Variants in POLR2F observed in about 807,000 individuals in gnomAD.
The protein encoded by POLR2F is RNA polymerase II, I and III subunit F.
A neutral mutation model predicts 22.7 loss-of-function variants in POLR2F; 12 were observed. That is an observed-to-expected ratio of 0.53 (90% CI 0.34 to 0.86). The LOEUF (loss-of-function observed/expected upper bound fraction) is 0.86, where lower values mean the gene tolerates loss of function less well. Among genes scored for constraint, POLR2F ranks in the 40% least tolerant of loss-of-function variants. POLR2F has a pLI of 0.02. For missense variants in POLR2F, 126 were observed against 171.5 expected, an observed-to-expected ratio of 0.73 and a Z score of 1.48; for synonymous variants, 57 against 66.0, an observed-to-expected ratio of 0.86 and a Z score of 0.66.
At chr22:37,987,475 G>A (rs899069454) in intron 1 of POLR2F, 6 of 311,424 alleles carry the variant, frequency 1.9e-5, no homozygotes, top group Admixed American at 4.3e-5. Flanking sequence ...GGAAGGCTCC[G>A]CCTGTGTTCC....
In POLR2F at chr22:37,968,186, T is replaced by TATC; in HGVS notation, c.*472_*474dup. 1.0e-6 allele frequency: 1 copy of TATC among 985,510 alleles called. No individual in the cohort carries two copies. Among genetic ancestry groups the TATC allele is most frequent in the African/African-American group, 1.7e-5 (1 of 57,372 alleles). 61.0% of individuals were successfully genotyped at this position (985,510 alleles called of 1,614,324 possible). A position where few individuals can be genotyped will look rare whatever the true frequency, so the allele number is the denominator to read the frequency against. ...TCCTAAGGACCTGCTTCGAGCCTCTTATCGTGGGCTCGGATCCCCTTTCAG... is the reference window on the plus strand; with the variant it reads ...TCCTAAGGACCTGCTTCGAGCCTCTTATCATCGTGGGCTCGGATCCCCTTTCAG... On this transcript the variant is annotated 3_prime_UTR_variant, in exon 5 of 5. Coordinates refer to ENST00000442738, the MANE Select transcript of POLR2F (RefSeq NM_021974.5).
Position 37,980,277 on chromosome 22 carries a change from C to T in POLR2F, c.293+13107C>T, listed in dbSNP as rs145977785. Among the ~76,000 whole-genome samples, 138 of 152,134 alleles carry T rather than the reference C, an allele frequency of 9.1e-4. No individual in the cohort carries two copies. The highest frequency in any genetic ancestry group is 3.4e-3 in the Middle Eastern group (1 of 294). The stretch of plus-strand genomic sequence containing the variant: ...AGAACCCACAGAGGAGAGAGCTGCT[C>T]CGCCAGCAGTGGACCCCAACAGAGG... On this transcript the variant is annotated intron_variant, in intron 4 of 4. Transcript: ENST00000405557. This position sits in a 1 kb window ranked among gnomAD's most constrained non-coding sequence, Gnocchi z 4.1.
At chr22:38,013,853 T>C (rs984656046) in intron 1 of POLR2F, among the ~76,000 whole-genome samples, 7 of 152,222 alleles carry the variant, frequency 4.6e-5, no homozygotes. Flanking sequence ...CCAGGCGCGG[T>C]GGCTTACGCC....
Position 37,978,261 on chromosome 22 carries a change from G to A in POLR2F, c.293+11091G>A. 1 of 1,034,590 alleles carries A rather than the reference G, an allele frequency of 9.7e-7. No homozygotes were observed. Among genetic ancestry groups the A allele is most frequent in the East Asian group, 2.6e-5 (1 of 37,886 alleles). 64.1% of individuals were successfully genotyped at this position (1,034,590 alleles called of 1,614,324 possible). On this transcript the variant is annotated intron_variant, in intron 4 of 4. Transcript: ENST00000405557. The surrounding 1 kb of genome is among the most constrained non-coding windows in gnomAD (Gnocchi z 5.0). Reference sequence around the variant, plus strand: ...GAGGCCCTGGGATGGGGCACCCAGAGGACAGGACCCGGGGTGGGGGCTGTG... The same window carrying A: ...GAGGCCCTGGGATGGGGCACCCAGAAGACAGGACCCGGGGTGGGGGCTGTG...
chr22:38,028,541 CGT>C (rs1226118837), downstream of POLR2F, among the ~76,000 whole-genome samples: 1 of 151,412 alleles, frequency 6.6e-6, no homozygotes, highest in Non-Finnish European at 1.5e-5. Context: ...TGTGCGCATA[CGT>C]GTGTGCATGT....
rs527724502 is a variant in POLR2F, at chr22:38,016,370, C to T, written c.121-9499C>T. 6.6e-6 allele frequency among the ~76,000 whole-genome samples: 1 copy of T among 152,352 alleles called. No individual in the cohort carries two copies. Among genetic ancestry groups the T allele is most frequent in the South Asian group, 2.1e-4 (1 of 4,828 alleles). ...CTCCCTCTGTACCTCCACCAGCCGT[C>T]CCTGGGATGCTCCAGGAAGTGCTGC... On this transcript the variant is annotated intron_variant, in intron 1 of 2. Transcript: ENST00000333418. This position sits in a 1 kb window ranked among gnomAD's most constrained non-coding sequence, Gnocchi z 4.4.
intron 1 of POLR2F, among the ~76,000 whole-genome samples, chr22:38,001,418 TA>T (rs2084768569): frequency 6.6e-6 from 1 of 152,204 alleles, no homozygotes; most frequent in South Asian, 2.1e-4. Flanking sequence ...TCAGAGAGAT[TA>T]AAGATAGATT....
intron 5 of POLR2F, among the ~76,000 whole-genome samples, chr22:38,038,011 C>A (rs113948163): frequency 6.6e-6 from 1 of 151,828 alleles, no homozygotes; most frequent in African/African-American, 2.4e-5. Flanking sequence ...GTACCCTAAG[C>A]ACAGTAGGTG....
chr22:37,971,255 C>G (rs765904583), downstream of POLR2F: 35 of 471,028 alleles, frequency 7.4e-5, 1 homozygote, highest in South Asian at 5.3e-4. Context: ...GATTCTGGCA[C>G]CAGCACTTCT....
chr22:37,963,931 G>A (rs1458247546), intron 3 of POLR2F, among the ~76,000 whole-genome samples: 8 of 152,010 alleles, frequency 5.3e-5, no homozygotes, highest in East Asian at 3.9e-4. Flanking sequence ...GTGAAACCCC[G>A]TCTCTACTAA....
At chr22:38,020,070 C>T (rs1468310262) in intron 1 of POLR2F, among the ~76,000 whole-genome samples, 4 of 151,610 alleles carry the variant, frequency 2.6e-5, no homozygotes, top group African/African-American at 4.8e-5. Flanking sequence ...CCAGGTGGGC[C>T]GGCCGTGGTG....
At chr22:38,004,946 A>AAAAAC (rs150299865) in intron 1 of POLR2F, among the ~76,000 whole-genome samples, 11,862 of 152,214 alleles carry the variant, frequency 0.078, 524 homozygotes, top group African/African-American at 0.098. Context: ...CTCCGTCTCA[A>AAAAAC]AAAACAAAAC....
intron 1 of POLR2F, among the ~76,000 whole-genome samples, chr22:38,019,844 A>G (rs1181731631): frequency 6.6e-6 from 1 of 152,082 alleles, no homozygotes; most frequent in Non-Finnish European, 1.5e-5. Flanking sequence ...GTGAAACCCC[A>G]TCTCTACTAA....
At chr22:38,040,048 A>G (rs1601923256) in intron 5 of POLR2F, among the ~76,000 whole-genome samples, 1 of 152,128 alleles carries the variant, frequency 6.6e-6, no homozygotes, top group Non-Finnish European at 1.5e-5. Flanking sequence ...GTGAGGTGGG[A>G]GGATCACTTG....
chr22:38,004,580 A>C (rs73417840), intron 1 of POLR2F, among the ~76,000 whole-genome samples: 5,309 of 152,196 alleles, frequency 0.035, 302 homozygotes, highest in African/African-American at 0.12. Flanking sequence ...ACATGCCCTG[A>C]AGTTAAAAAC....
chr22:38,033,518 C>A (rs2085085843), intron 5 of POLR2F, among the ~76,000 whole-genome samples: 1 of 152,236 alleles, frequency 6.6e-6, no homozygotes. Context: ...CTGCTGGGAA[C>A]TCCAGGACCA....
intron 1 of POLR2F, among the ~76,000 whole-genome samples, chr22:38,012,403 A>G (rs2084878763): frequency 6.6e-6 from 1 of 152,114 alleles, no homozygotes; most frequent in Admixed American, 6.6e-5. Context: ...TTTAGTTTGA[A>G]ATAATTTTAG....
At chr22:38,037,615 C>T (rs1371493006) in intron 5 of POLR2F, among the ~76,000 whole-genome samples, 1 of 147,662 alleles carries the variant, frequency 6.8e-6, no homozygotes, top group Non-Finnish European at 1.5e-5. Context: ...TTTTTTGAGA[C>T]GGAGTCTCCC....
intron 4 of POLR2F, among the ~76,000 whole-genome samples, chr22:37,979,354 T>C (rs747624337): frequency 2.0e-5 from 3 of 152,150 alleles, no homozygotes; most frequent in Non-Finnish European, 4.4e-5. Flanking sequence ...CGCCTTGGCC[T>C]CCCAAAGTGC....
Sources: gnomAD v4.1 joint callset for allele counts (sites outside exome capture counted in the v4.1 genomes callset) on GRCh38, gnomAD v4.1.1 for gene constraint, Gnocchi (gnomAD v3.1) non-coding constraint, MANE v1.5 for transcripts, NCBI Gene and HGNC (gene_info 2026-07-23, HGNC 2026-07-21) for gene names.